SEC63: variants seen among roughly 807,000 people sequenced by gnomAD.
The protein encoded by SEC63 is translocation protein SEC63 homolog.
In SEC63, 56 loss-of-function variants were observed where a neutral mutation model predicts 116.2. That is an observed-to-expected ratio of 0.48 (90% CI 0.39 to 0.60). SEC63 has a LOEUF of 0.60. Among genes scored for constraint, SEC63 ranks in the 20% least tolerant of loss-of-function variants. The probability of loss-of-function intolerance (pLI) is 0.00; values close to 1 mark genes in which losing one functional copy is unlikely to be tolerated. For missense variants in SEC63, 668 were observed against 900.0 expected, an observed-to-expected ratio of 0.74 and a Z score of 3.30; for synonymous variants, 273 against 294.6, an observed-to-expected ratio of 0.93 and a Z score of 0.75.
At chr6:107,903,298 A>G (rs373853282) in intron 11 of SEC63, among the ~76,000 whole-genome samples, 4 of 152,174 alleles carry the variant, frequency 2.6e-5, no homozygotes, top group African/African-American at 9.6e-5. Context: ...ACAAGAACCA[A>G]CATCACCCGT....
chr6:107,955,439 G>C (rs1770692190), intron 1 of SEC63, among the ~76,000 whole-genome samples: 1 of 152,172 alleles, frequency 6.6e-6, no homozygotes, highest in Non-Finnish European at 1.5e-5. Context: ...AGCCACGGCA[G>C]GCGTGAGCCA....
chr6:107,882,351 G>A (rs1786431782), intron 17 of SEC63, among the ~76,000 whole-genome samples: 1 of 152,112 alleles, frequency 6.6e-6, no homozygotes, highest in Non-Finnish European at 1.5e-5. Context: ...TATTTGCAGT[G>A]AGCCTCTAAG....
chr6:107,937,236 C>A (rs1770269146), intron 1 of SEC63, among the ~76,000 whole-genome samples: 1 of 151,784 alleles, frequency 6.6e-6, no homozygotes, highest in African/African-American at 2.4e-5. Context: ...GATTCTCCTG[C>A]CTCAGCCTCT....
rs1162289426 is a variant in SEC63, at chr6:107,876,681, A to G, written c.1936-19T>C. 2 of 1,504,682 alleles carry G rather than the reference A, an allele frequency of 1.3e-6. No homozygotes were observed. Among genetic ancestry groups the G allele is most frequent in the Non-Finnish European group, 1.8e-6 (2 of 1,095,998 alleles). 93.2% of individuals were successfully genotyped at this position (1,504,682 alleles called of 1,614,324 possible). ...GTTTTTCCTGGAAACAAAAAAAAAA[A>G]AAAAAAAAGAAGAGGGGTATAAATA... On this transcript the variant is annotated intron_variant, in intron 18 of 20. Transcript: ENST00000369002.
At chr6:107,956,102 C>A in intron 1 of SEC63, 1 of 239,148 alleles carries the variant, frequency 4.2e-6, no homozygotes, top group Admixed American at 5.5e-5. Flanking sequence ...ATGAGACTCT[C>A]CCCGCTTTAA....
intron 16 of SEC63, among the ~76,000 whole-genome samples, chr6:107,891,396 G>A (rs1247949276): frequency 6.6e-6 from 1 of 151,820 alleles, no homozygotes; most frequent in African/African-American, 2.4e-5. Context: ...AAGTTCTCGT[G>A]CTGTGTTTTC....
At chr6:107,919,098 T>G (rs561199814) in intron 4 of SEC63, among the ~76,000 whole-genome samples, 2 of 151,862 alleles carry the variant, frequency 1.3e-5, no homozygotes, top group African/African-American at 2.4e-5. Context: ...TTAGTAGAGA[T>G]AGAGTTTTCT....
intron 2 of SEC63, among the ~76,000 whole-genome samples, chr6:107,928,840 CAT>C (rs1225281172): frequency 1.3e-5 from 2 of 152,192 alleles, no homozygotes; most frequent in African/African-American, 2.4e-5. Flanking sequence ...TGTAACTAAA[CAT>C]GTTAATGGCC....
intron 10 of SEC63, among the ~76,000 whole-genome samples, chr6:107,905,261 T>TAG (rs1265540903): frequency 6.6e-6 from 1 of 152,242 alleles, no homozygotes; most frequent in Non-Finnish European, 1.5e-5. Context: ...TATGTATCTG[T>TAG]ACAGAACATT....
chr6:107,905,918 T>A (rs1583745367), intron 10 of SEC63, among the ~76,000 whole-genome samples: 1 of 152,164 alleles, frequency 6.6e-6, no homozygotes, highest in Admixed American at 6.5e-5. Flanking sequence ...ATTTCTTTTT[T>A]AAAAAGTCCT....
chr6:107,936,756 A>G (rs1770255008), intron 1 of SEC63, among the ~76,000 whole-genome samples: 1 of 152,244 alleles, frequency 6.6e-6, no homozygotes, highest in African/African-American at 2.4e-5. Context: ...TCTGCCAGTC[A>G]GTAGTATTAC....
intron 1 of SEC63, among the ~76,000 whole-genome samples, chr6:107,948,304 T>G (rs1043847948): frequency 5.2e-4 from 79 of 152,342 alleles, no homozygotes; most frequent in Admixed American, 2.0e-3. Context: ...AAGACAGAGT[T>G]GAGTCCAACA....
At chr6:107,880,917 G>C in intron 18 of SEC63, 1 of 461,626 alleles carries the variant, frequency 2.2e-6, no homozygotes, top group Non-Finnish European at 4.0e-6. Context: ...AAAGACAGAA[G>C]CAAAGAAAAC....
chr6:107,902,464 C>G (rs1284232140), intron 12 of SEC63, among the ~76,000 whole-genome samples: 1 of 152,038 alleles, frequency 6.6e-6, no homozygotes, highest in Non-Finnish European at 1.5e-5. Flanking sequence ...TAAGAACTGT[C>G]TTTATTTGAT....
intron 4 of SEC63, among the ~76,000 whole-genome samples, chr6:107,919,474 C>T (rs75583220): frequency 0.046 from 6,984 of 152,130 alleles, 562 homozygotes; most frequent in African/African-American, 0.16. Context: ...TAAAATATTA[C>T]GTAAACTTAG....
chr6:107,934,560 G>A (rs1287953869), intron 1 of SEC63, among the ~76,000 whole-genome samples: 1 of 144,880 alleles, frequency 6.9e-6, no homozygotes, highest in African/African-American at 2.6e-5. Flanking sequence ...ACGCCTGGCA[G>A]CCACCCCGTC....
intron 1 of SEC63, among the ~76,000 whole-genome samples, chr6:107,935,081 C>T (rs1770176435): frequency 7.0e-6 from 1 of 142,532 alleles, no homozygotes; most frequent in African/African-American, 2.6e-5. Flanking sequence ...AGTGAGGAGC[C>T]CCTCTGCCTG....
chr6:107,947,152 T>G lies in SEC63; in HGVS notation c.124+10734A>C, dbSNP rs143179769. Among the ~76,000 whole-genome samples the G allele has an allele frequency of 3.0e-3, 455 of 152,034 alleles. 3 individuals carry two copies. The highest frequency in any genetic ancestry group is 0.01 in the African/African-American group (433 of 41,468). ...CTATCTCTACAAAAATTATAAAAAC[T>G]AGCTGGGTATGATGGCGCACCTGTA... On this transcript the variant is annotated intron_variant, in intron 1 of 20. Coordinates refer to ENST00000369002, the MANE Select transcript of SEC63 (RefSeq NM_007214.5).
chr6:107,948,882 A>G (rs1385824868), intron 1 of SEC63, among the ~76,000 whole-genome samples: 1 of 152,228 alleles, frequency 6.6e-6, no homozygotes, highest in Non-Finnish European at 1.5e-5. Flanking sequence ...CAATCCTATC[A>G]ACAGAATTCC....
Sources: allele counts gnomAD v4.1 joint callset (sites outside exome capture counted in the v4.1 genomes callset), GRCh38; gene constraint gnomAD v4.1.1; transcripts MANE v1.5; gene names NCBI Gene and HGNC (gene_info 2026-07-23, HGNC 2026-07-21).